ITPR2: variants seen among roughly 807,000 people sequenced by gnomAD.
ITPR2 encodes inositol 1,4,5-trisphosphate receptor type 2.
In ITPR2, 207 loss-of-function variants were observed where a neutral mutation model predicts 317.1. That is an observed-to-expected ratio of 0.65 (90% CI 0.58 to 0.73). ITPR2 has a LOEUF of 0.73. ITPR2 is among the 30% of genes least tolerant of loss of function. The pLI is 0.00. For synonymous variants in ITPR2, 1,156 were observed against 1,149.1 expected, an observed-to-expected ratio of 1.01 and a Z score of -0.12; for missense variants, 2,613 against 3,284.0, an observed-to-expected ratio of 0.80 and a Z score of 4.99.
intron 32 of ITPR2, among the ~76,000 whole-genome samples, chr12:26,583,826 C>T (rs1291081250): frequency 1.3e-5 from 2 of 151,988 alleles, no homozygotes; most frequent in African/African-American, 4.8e-5. Flanking sequence ...TGAAATGATT[C>T]CCAATCTGTA....
chr12:26,424,595 T>TG (rs1301924606), intron 49 of ITPR2, among the ~76,000 whole-genome samples: 1 of 136,812 alleles, frequency 7.3e-6, no homozygotes, highest in Non-Finnish European at 1.6e-5. Context: ...TGTTTTTTTT[T>TG]TTTTTTTTTT....
chr12:26,744,700 A>C (rs115654074), intron 2 of ITPR2, among the ~76,000 whole-genome samples: 16 of 152,360 alleles, frequency 1.1e-4, no homozygotes, highest in African/African-American at 3.6e-4. Context: ...TTTATCACAA[A>C]TGTGGATTAT....
intron 21 of ITPR2, among the ~76,000 whole-genome samples, chr12:26,644,380 C>T (rs1947062494): frequency 1.3e-5 from 2 of 152,146 alleles, no homozygotes; most frequent in African/African-American, 4.8e-5. Context: ...CAATAGAAAG[C>T]ACCATCTATC....
At chr12:26,781,200 G>A (rs7134992) in intron 2 of ITPR2, among the ~76,000 whole-genome samples, 55,967 of 152,096 alleles carry the variant, frequency 0.37, 12,733 homozygotes, top group Non-Finnish European at 0.53. Context: ...AAAACATCAC[G>A]ACATGCTGAG....
At chr12:26,485,171 G>A (rs1227611072) in intron 41 of ITPR2, among the ~76,000 whole-genome samples, 1 of 152,136 alleles carries the variant, frequency 6.6e-6, no homozygotes, top group African/African-American at 2.4e-5. Context: ...TTTCTCTGGG[G>A]AGTAAACCTA....
At chr12:26,784,951 C>G (rs561821347) in intron 2 of ITPR2, among the ~76,000 whole-genome samples, 467 of 898 alleles carry the variant, frequency 0.52, 39 homozygotes, top group East Asian at 0.71. Context: ...GTCTCTGCCC[C>G]GCCGCCCTGT....
intron 21 of ITPR2, among the ~76,000 whole-genome samples, chr12:26,645,772 A>C (rs1369172151): frequency 2.0e-5 from 3 of 152,238 alleles, no homozygotes; most frequent in Non-Finnish European, 2.9e-5. Flanking sequence ...GAGCTCAGTC[A>C]GGTGAAAAAT....
At chr12:26,689,102 C>G (rs1341281446) in intron 10 of ITPR2, among the ~76,000 whole-genome samples, 1 of 152,020 alleles carries the variant, frequency 6.6e-6, no homozygotes, top group African/African-American at 2.4e-5. Context: ...ATGTTATATA[C>G]CTTAACTATA....
chr12:26,788,292 TG>T (rs1369450637), intron 2 of ITPR2, among the ~76,000 whole-genome samples: 1 of 152,208 alleles, frequency 6.6e-6, no homozygotes, highest in African/African-American at 2.4e-5. Flanking sequence ...CAAAACCTCG[TG>T]TGGTAGTCAT....
Position 26,659,098 on chromosome 12 carries a change from T to A in ITPR2, c.1886+15A>T. 1 of 1,598,834 alleles carries A rather than the reference T, an allele frequency of 6.3e-7. No homozygotes were observed. Among genetic ancestry groups the A allele is most frequent in the Non-Finnish European group, 8.6e-7 (1 of 1,168,420 alleles). On this transcript the variant is annotated intron_variant, in intron 16 of 56. Coordinates refer to ENST00000381340, the MANE Select transcript of ITPR2 (RefSeq NM_002223.4). Reference sequence around the variant, plus strand: ...ATCTCCACTAGAAAAGAATACCGCATGAATCATTTCAAACCTTGGCTCCCG... The same window carrying A: ...ATCTCCACTAGAAAAGAATACCGCAAGAATCATTTCAAACCTTGGCTCCCG...
intron 13 of ITPR2, among the ~76,000 whole-genome samples, chr12:26,680,674 C>T (rs917281298): frequency 7.9e-5 from 12 of 152,166 alleles, no homozygotes; most frequent in African/African-American, 2.4e-4. Flanking sequence ...AATTTAGCCA[C>T]GCCATTGCAC....
At chr12:26,575,858 T>G (rs1945263517) in intron 34 of ITPR2, among the ~76,000 whole-genome samples, 1 of 152,188 alleles carries the variant, frequency 6.6e-6, no homozygotes, top group Non-Finnish European at 1.5e-5. Context: ...AACATGGAAT[T>G]TCACTTGTGG....
At chr12:26,574,021 G>A (rs566507934) in intron 34 of ITPR2, among the ~76,000 whole-genome samples, 87 of 152,306 alleles carry the variant, frequency 5.7e-4, no homozygotes, top group Non-Finnish European at 1.1e-3. Context: ...GAAAGAAAAA[G>A]AGAGATTCTG....
At chr12:26,768,293 G>T (rs1224588588) in intron 2 of ITPR2, among the ~76,000 whole-genome samples, 1 of 150,338 alleles carries the variant, frequency 6.7e-6, no homozygotes, top group Non-Finnish European at 1.5e-5. Context: ...AGGGATAGCA[G>T]TGGGAGATAT....
intron 1 of ITPR2, among the ~76,000 whole-genome samples, chr12:26,826,922 T>TACAC (rs1322819686): frequency 6.6e-6 from 1 of 152,184 alleles, no homozygotes; most frequent in Admixed American, 6.5e-5. Flanking sequence ...CAAGTTGACG[T>TACAC]ACACAGAAAT....
At chr12:26,688,257 T>C (rs1336187331) in intron 10 of ITPR2, among the ~76,000 whole-genome samples, 1 of 152,094 alleles carries the variant, frequency 6.6e-6, no homozygotes, top group Non-Finnish European at 1.5e-5. Context: ...CTGAGGCTGG[T>C]CTCGAACTCT....
At chr12:26,464,836 C>T (rs1272354911) in intron 45 of ITPR2, among the ~76,000 whole-genome samples, 4 of 152,148 alleles carry the variant, frequency 2.6e-5, no homozygotes, top group African/African-American at 9.7e-5. Flanking sequence ...GCTTGGGCTA[C>T]AGGAATGCTA....
Position 26,553,679 on chromosome 12 carries a change from G to A in ITPR2, c.4964+2554C>T, listed in dbSNP as rs150467719. Among the ~76,000 whole-genome samples the A allele has an allele frequency of 9.8e-4, 149 of 152,082 alleles. 1 individual carries two copies. The highest frequency in any genetic ancestry group is 3.4e-3 in the African/African-American group (140 of 41,472). ...GGTTGCCTCTAGTCCCAGCTACTCGGGAGGCTGAGGCAGGATAATGGCGTG... is the reference window on the plus strand; with the variant it reads ...GGTTGCCTCTAGTCCCAGCTACTCGAGAGGCTGAGGCAGGATAATGGCGTG... On this transcript the variant is annotated intron_variant, in intron 36 of 56. Transcript: ENST00000381340.
intron 2 of ITPR2, among the ~76,000 whole-genome samples, chr12:26,767,879 T>C (rs1949751822): frequency 6.6e-6 from 1 of 152,252 alleles, no homozygotes; most frequent in Admixed American, 6.5e-5. Context: ...TTTATACTTA[T>C]CAATTCGATC....
Sources: gnomAD v4.1 joint callset for allele counts (sites outside exome capture counted in the v4.1 genomes callset) on GRCh38, gnomAD v4.1.1 for gene constraint, MANE v1.5 for transcripts, NCBI Gene and HGNC (gene_info 2026-07-23, HGNC 2026-07-21) for gene names.